Variants in NRXN1 observed in about 807,000 individuals in gnomAD.
NRXN1 encodes the protein neurexin 1, also known as neurexin-1.
NRXN1 carries 39 observed loss-of-function variants against 150.9 expected under a neutral mutation model. The observed-to-expected ratio is 0.26, with a 90% CI of 0.20 to 0.34. The LOEUF (loss-of-function observed/expected upper bound fraction) is 0.34, where lower values mean the gene tolerates loss of function less well. Among genes scored for constraint, NRXN1 ranks in the 10% least tolerant of loss-of-function variants. The probability of loss-of-function intolerance (pLI) is 1.00; values close to 1 mark genes in which losing one functional copy is unlikely to be tolerated. For missense variants in NRXN1, 1,815 were observed against 1,949.9 expected (o/e 0.93, Z 1.30); for synonymous variants, 924 against 757.0 (o/e 1.22, Z -3.62).
chr2:50,188,766 A>G (rs1408608899), intron 18 of NRXN1, among the ~76,000 whole-genome samples: 1 of 152,204 alleles, frequency 6.6e-6, no homozygotes, highest in Non-Finnish European at 1.5e-5. Flanking sequence ...ATATTTTAAA[A>G]AGCTCATCAT....
intron 12 of NRXN1, among the ~76,000 whole-genome samples, chr2:50,508,155 G>A (rs2092317641): frequency 6.6e-6 from 1 of 152,156 alleles, no homozygotes; most frequent in African/African-American, 2.4e-5. Context: ...TAATTCAAGT[G>A]TTGTATCCTT....
intron 18 of NRXN1, among the ~76,000 whole-genome samples, chr2:50,163,433 A>G (rs1004340164): frequency 6.6e-6 from 1 of 152,124 alleles, no homozygotes; most frequent in Non-Finnish European, 1.5e-5. Flanking sequence ...TAGAGGGAAA[A>G]CAGACAGATC....
At chr2:49,978,126 C>T (rs999353490) in intron 21 of NRXN1, among the ~76,000 whole-genome samples, 1 of 152,112 alleles carries the variant, frequency 6.6e-6, no homozygotes, top group Non-Finnish European at 1.5e-5. Context: ...TGCACCACCG[C>T]ACTCCAGCCT....
chr2:50,291,153 T>C (rs2152943822), intron 17 of NRXN1, among the ~76,000 whole-genome samples: 1 of 147,024 alleles, frequency 6.8e-6, no homozygotes, highest in South Asian at 2.1e-4. Context: ...AAAAAGGCTC[T>C]GAATTAAGGG....
chr2:50,025,560 A>G (rs1432816322), intron 21 of NRXN1, among the ~76,000 whole-genome samples: 2 of 152,212 alleles, frequency 1.3e-5, no homozygotes, highest in Admixed American at 1.3e-4. Context: ...TGGGAAGAGT[A>G]AATCAGGACC....
chr2:50,736,941 T>G (rs771552100), intron 5 of NRXN1, among the ~76,000 whole-genome samples: 1 of 152,074 alleles, frequency 6.6e-6, no homozygotes, highest in South Asian at 2.1e-4. Context: ...AAATGGATAT[T>G]ATAGTGGTAT....
rs141023844 is a variant in NRXN1, at chr2:50,846,578, A to T, written c.832+75291T>A. Among the ~76,000 whole-genome samples the T allele has an allele frequency of 9.1e-4, 138 of 152,334 alleles. 1 individual carries two copies. The highest frequency in any genetic ancestry group is 3.1e-3 in the African/African-American group (130 of 41,578). The stretch of plus-strand genomic sequence containing the variant: ...TGGCAATAAATAGATCTTACACCAT[A>T]AAAGGCATTCTAAAGAAATAGCATA... On this transcript the variant is annotated intron_variant, in intron 5 of 22. Coordinates refer to ENST00000401669, the MANE Select transcript of NRXN1 (RefSeq NM_001330078.2).
At chr2:50,883,782 A>T (rs1377482511) in intron 5 of NRXN1, among the ~76,000 whole-genome samples, 1 of 151,856 alleles carries the variant, frequency 6.6e-6, no homozygotes, top group East Asian at 1.9e-4. Flanking sequence ...TGACAATGAC[A>T]ATTTAGAAAC....
intron 3 of NRXN1, 41 bp downstream of exon 3, chr2:50,925,895 AAG>A: frequency 6.7e-7 from 1 of 1,501,564 alleles, no homozygotes; most frequent in Admixed American, 1.9e-5. Context: ...CTAAGAAATA[AAG>A]GACAAATGAG....
chr2:50,134,158 T>C (rs1203688304), intron 18 of NRXN1, among the ~76,000 whole-genome samples: 1 of 150,856 alleles, frequency 6.6e-6, no homozygotes, highest in Non-Finnish European at 1.5e-5. Context: ...AGTAAAGGAA[T>C]ATAACTATAG....
intron 2 of NRXN1, among the ~76,000 whole-genome samples, chr2:51,012,589 A>G (rs1668056409): frequency 6.6e-6 from 1 of 152,026 alleles, no homozygotes; most frequent in Non-Finnish European, 1.5e-5. Context: ...TTAGGTTTCA[A>G]GCCCTTTATT....
rs115668644 is a variant in NRXN1 at position 51,026,883 on chromosome 2, C to G, written c.772+619G>C. 5.8e-3 allele frequency among the ~76,000 whole-genome samples: 879 copies of G among 152,258 alleles called. 4 individuals are homozygous for G. Among genetic ancestry groups the G allele is most frequent in the Non-Finnish European group, 8.9e-3 (602 of 68,006 alleles). ...AAAAAGCCTCCTGCTAATGAAGAAA[C>G]GCTTCACATCCTCTCTTTCCCTTTT... On this transcript the variant is annotated intron_variant, in intron 2 of 22. Coordinates refer to ENST00000401669, the MANE Select transcript of NRXN1 (RefSeq NM_001330078.2).
At chr2:50,653,499 T>G (rs556336858) in intron 5 of NRXN1, among the ~76,000 whole-genome samples, 1 of 152,200 alleles carries the variant, frequency 6.6e-6, no homozygotes, top group African/African-American at 2.4e-5. Flanking sequence ...ATACACCAAC[T>G]TAGGTTACAA....
At chr2:50,868,187 A>ATATATG (rs1445257364) in intron 5 of NRXN1, among the ~76,000 whole-genome samples, 8 of 90,926 alleles carry the variant, frequency 8.8e-5, no homozygotes, top group Non-Finnish European at 1.9e-4. Context: ...ATATATATAT[A>ATATATG]TGCATACACA....
chr2:50,495,376 GTGTGGTGTGTGT>G (rs1391357404), intron 15 of NRXN1, among the ~76,000 whole-genome samples: 31 of 10,806 alleles, frequency 2.9e-3, no homozygotes, highest in African/African-American at 6.1e-3. Context: ...GTGTGTGTGT[GTGTGGTGTGTGT>G]GTGTGTGTGT....
chr2:50,830,994 G>T (rs925849232), intron 5 of NRXN1, among the ~76,000 whole-genome samples: 1 of 151,988 alleles, frequency 6.6e-6, no homozygotes, highest in African/African-American at 2.4e-5. Flanking sequence ...TGTTTATGAG[G>T]TACATGAAAT....
intron 8 of NRXN1, among the ~76,000 whole-genome samples, chr2:50,610,345 C>T (rs770360776): frequency 6.6e-6 from 1 of 151,820 alleles, no homozygotes; most frequent in Non-Finnish European, 1.5e-5. Flanking sequence ...GATAGTGGAA[C>T]TAATTCACTG....
At chr2:50,219,956 A>AT (rs1553776174) in intron 18 of NRXN1, among the ~76,000 whole-genome samples, 21 of 82,524 alleles carry the variant, frequency 2.5e-4, no homozygotes, top group African/African-American at 1.2e-3. Flanking sequence ...TATATATAAT[A>AT]TATATATTAT....
At chr2:50,932,865 G>A (rs1330645475) in intron 2 of NRXN1, among the ~76,000 whole-genome samples, 1 of 151,970 alleles carries the variant, frequency 6.6e-6, no homozygotes, top group Non-Finnish European at 1.5e-5. Flanking sequence ...AGATCCTGCT[G>A]CAAGAAGGCA....
Sources: allele counts gnomAD v4.1 joint callset (sites outside exome capture counted in the v4.1 genomes callset), GRCh38; gene constraint gnomAD v4.1.1; transcripts MANE v1.5; gene names NCBI Gene and HGNC (gene_info 2026-07-23, HGNC 2026-07-21).